Variants in SHC2 observed in about 807,000 individuals in gnomAD.
The protein encoded by SHC2 is SHC-transforming protein 2.
A neutral mutation model predicts 60.6 loss-of-function variants in SHC2; 62 were observed. The observed-to-expected ratio is 1.02, with a 90% CI of 0.83 to 1.26. SHC2 has a LOEUF of 1.26. SHC2 is among the 50% of genes most tolerant of loss of function. The pLI, the probability that SHC2 is intolerant of heterozygous loss-of-function variation, is 0.00. For synonymous variants in SHC2, 375 were observed against 372.4 expected, an observed-to-expected ratio of 1.01 and a Z score of -0.08; for missense variants, 873 against 822.2, an observed-to-expected ratio of 1.06 and a Z score of -0.76.
At chr19:419,361 A>G in intron 11 of SHC2, 1 of 334,498 alleles carries the variant, frequency 3.0e-6, no homozygotes, top group Admixed American at 4.4e-5. Context: ...CTCATTTGGA[A>G]AAAGGTCTTG....
In SHC2 at chr19:440,678, C is replaced by T. The variant is rs142150633; in HGVS notation, c.539+184G>A. 6.6e-6 allele frequency among the ~76,000 whole-genome samples: 1 copy of T among 152,282 alleles called. No homozygotes were observed. Among genetic ancestry groups the T allele is most frequent in the Non-Finnish European group, 1.5e-5 (1 of 68,008 alleles). ...ATCGAGGTCTGCAGGGCACGGTGAC[C>T]GACACCTGGCGTGGGGACAGGGCGG... On this transcript the variant is annotated intron_variant, in intron 2 of 12. Coordinates refer to ENST00000264554, the MANE Select transcript of SHC2 (RefSeq NM_012435.3). The surrounding 1 kb of genome is among the most constrained non-coding windows in gnomAD (Gnocchi z 7.0).
intron 4 of SHC2, among the ~76,000 whole-genome samples, chr19:437,039 A>C (rs1417832768): frequency 6.6e-6 from 1 of 152,086 alleles, no homozygotes; most frequent in Non-Finnish European, 1.5e-5. Flanking sequence ...ATGCACACAC[A>C]CACACACACC....
At chr19:417,603 A>G (rs1974183071) in intron 12 of SHC2, among the ~76,000 whole-genome samples, 2 of 152,246 alleles carry the variant, frequency 1.3e-5, no homozygotes, top group African/African-American at 2.4e-5. Context: ...GGTTGAGCAC[A>G]TTCCTGGGAC....
intron 9 of SHC2, among the ~76,000 whole-genome samples, chr19:427,362 G>A (rs1445848989): frequency 6.6e-6 from 1 of 152,244 alleles, no homozygotes; most frequent in Non-Finnish European, 1.5e-5. Context: ...ATGCACTGGA[G>A]AGAAGGGCTC....
intron 1 of SHC2, among the ~76,000 whole-genome samples, chr19:442,001 A>G (rs535864332): frequency 7.9e-5 from 12 of 152,276 alleles, no homozygotes; most frequent in African/African-American, 2.9e-4. Flanking sequence ...GAGCAGGGAG[A>G]GCAAGGAGCA....
In SHC2 at chr19:436,632, T is replaced by G. The variant is rs1320505887; in HGVS notation, c.772A>C (p.Thr258Pro). The change falls in exon 5 of 13, where the codon ACG becomes CCG. Residue 258 changes from threonine (T) to proline (P), a missense_variant and splice_region_variant. By Grantham distance (38) the Thr-to-Pro change is conservative (BLOSUM62 -1). Transcript: ENST00000264554. ...PSISFASGGD[T>P]DMTDYVAYVA... ...TCCACCCCCATCCCTGGCCTCACCG[T>G]GTCTCCGCCTGACGCGAAGGAGATG... 6.2e-7 allele frequency: 1 copy of G among 1,605,630 alleles called. No individual in the cohort carries two copies. Among genetic ancestry groups the G allele is most frequent in the Non-Finnish European group, 8.5e-7 (1 of 1,178,344 alleles).
In SHC2 at chr19:434,793, G is replaced by T; in HGVS notation, c.1026C>A (p.Ile342=). The T allele has an allele frequency of 1.2e-6, 2 of 1,612,892 alleles. No individual in the cohort carries two copies. The highest frequency in any genetic ancestry group is 1.7e-6 in the Non-Finnish European group (2 of 1,179,828). ...DSLEHNYYNS[I]PGKEPPLGGL... Reference sequence around the variant, plus strand: ...CGCCCAGCGGCGGCTCCTTCCCCGGGATGCTGTTGTAGTAATTGTGCTCCA... The same window carrying T: ...CGCCCAGCGGCGGCTCCTTCCCCGGTATGCTGTTGTAGTAATTGTGCTCCA... The change falls in exon 8 of 13, where the codon ATC becomes ATA. Residue 342 remains isoleucine, a synonymous_variant. Coordinates refer to ENST00000264554, the MANE Select transcript of SHC2 (RefSeq NM_012435.3).
At chr19:450,443 G>A (rs887160470) in intron 1 of SHC2, among the ~76,000 whole-genome samples, 12 of 152,262 alleles carry the variant, frequency 7.9e-5, no homozygotes, top group South Asian at 2.1e-4. Context: ...CACCACCACC[G>A]TCTCTCCAGA....
intron 9 of SHC2, among the ~76,000 whole-genome samples, chr19:428,293 G>A (rs1455269433): frequency 1.3e-5 from 2 of 152,240 alleles, no homozygotes; most frequent in Non-Finnish European, 2.9e-5. Context: ...GATTCCTACT[G>A]AAATGGCCCG....
chr19:458,714 T>C (rs186849279), intron 1 of SHC2, among the ~76,000 whole-genome samples: 16 of 74,932 alleles, frequency 2.1e-4, no homozygotes, highest in East Asian at 3.7e-4. Flanking sequence ...GAAGCGGGTC[T>C]TGGGGAGGCG....
Position 430,722 on chromosome 19 carries a change from G to A in SHC2, c.1136C>T (p.Ala379Val), listed in dbSNP as rs766529416. The A allele has an allele frequency of 4.3e-6, 7 of 1,612,998 alleles. No homozygotes were observed. Among genetic ancestry groups the A allele is most frequent in the Non-Finnish European group, 5.1e-6 (6 of 1,179,830 alleles). Residue 379 changes from alanine (A) to valine (V), a missense_variant, in exon 9 of 13, where the codon GCC (alanine) becomes GTC (valine). Coordinates refer to ENST00000264554, the MANE Select transcript of SHC2 (RefSeq NM_012435.3). ...CCCCACGTCCCATGGCAGGCTGCAG[G>A]CATCTCTTAGAGAAGGAGATGGGCC... ...DQGPSPSLRD[A>V]CSLPWDVGST...
At chr19:436,131 G>A (rs1974710396) in intron 7 of SHC2, 34 bp downstream of exon 7, 3 of 1,604,224 alleles carry the variant, frequency 1.9e-6, no homozygotes, top group Non-Finnish European at 1.7e-6. Context: ...CACTGGGGGT[G>A]TCCCCAGGGC....
In SHC2 at chr19:453,261, C is replaced by A. The variant is rs1281350523; in HGVS notation, c.468+7268G>T. 1 of 152,104 alleles carries A rather than the reference C, an allele frequency of 6.6e-6. No homozygotes were observed. Among genetic ancestry groups the A allele is most frequent in the Non-Finnish European group, 1.5e-5 (1 of 68,020 alleles). 9.4% of individuals were successfully genotyped at this position (152,104 alleles called of 1,614,324 possible). ...AACCCAGATATGGGTTCTTTGTTCT[C>A]AGAAACAAAACCTGAGTTTTGTTTC... On this transcript the variant is annotated intron_variant, in intron 1 of 12. Transcript: ENST00000264554. This position sits in a 1 kb window ranked among gnomAD's most constrained non-coding sequence, Gnocchi z 6.3.
At position 438,537 on chromosome 19, in the gene SHC2, CT is replaced by C. The variant is rs1974773235; in HGVS notation, c.720+180del. 1.3e-5 allele frequency among the ~76,000 whole-genome samples: 2 copies of C among 152,220 alleles called. No homozygotes were observed. The highest frequency in any genetic ancestry group is 4.8e-5 in the African/African-American group (2 of 41,440). ...GGACGGCTCGCCCAGGTGGGAGCCCCTGAGCTGAGCCCCGTGAGGGCAGTGG... is the reference window on the plus strand; with the variant it reads ...GGACGGCTCGCCCAGGTGGGAGCCCCGAGCTGAGCCCCGTGAGGGCAGTGG... On this transcript the variant is annotated intron_variant, in intron 4 of 12. Transcript: ENST00000264554. This position sits in a 1 kb window ranked among gnomAD's most constrained non-coding sequence, Gnocchi z 5.0.
chr19:423,117 T>TG (rs907778279), intron 10 of SHC2, among the ~76,000 whole-genome samples: 12 of 151,640 alleles, frequency 7.9e-5, no homozygotes, highest in African/African-American at 1.9e-4. Flanking sequence ...CTCCTGGTCC[T>TG]GGGGGGTCCT....
chr19:427,708 G>A (rs1398242948), intron 9 of SHC2, among the ~76,000 whole-genome samples: 1 of 93,048 alleles, frequency 1.1e-5, no homozygotes, highest in Non-Finnish European at 2.1e-5. Context: ...GCAGGGAAGG[G>A]GAATTGCGCA....
rs146752323 is a variant in SHC2, at chr19:425,798, G to A, written c.1175-567C>T. The stretch of plus-strand genomic sequence containing the variant: ...AATCCCAGCACTTTGGGAGGCCGAG[G>A]TGGGTGAATCATTTGAGGTCAGGAG... On this transcript the variant is annotated intron_variant, in intron 9 of 12. Coordinates refer to ENST00000264554, the MANE Select transcript of SHC2 (RefSeq NM_012435.3). This position sits in a 1 kb window ranked among gnomAD's most constrained non-coding sequence, Gnocchi z 4.1. Among the ~76,000 whole-genome samples, 41 of 152,258 alleles carry A rather than the reference G, an allele frequency of 2.7e-4. No individual in the cohort carries two copies. The highest frequency in any genetic ancestry group is 9.6e-4 in the African/African-American group (40 of 41,560).
chr19:434,679 G>A, intron 8 of SHC2, 30 bp downstream of exon 8: 1 of 1,573,716 alleles, frequency 6.4e-7, no homozygotes, highest in Non-Finnish European at 8.6e-7. Flanking sequence ...GGGCATCCCT[G>A]TCCCCATCCC....
intron 12 of SHC2, among the ~76,000 whole-genome samples, chr19:418,551 G>A (rs1974202856): frequency 6.6e-6 from 1 of 152,236 alleles, no homozygotes; most frequent in Admixed American, 6.5e-5. Context: ...TCTGGCCCGG[G>A]CCACGGCGCA....
Sources: allele counts gnomAD v4.1 joint callset (sites outside exome capture counted in the v4.1 genomes callset), GRCh38; gene constraint gnomAD v4.1.1; non-coding constraint Gnocchi (gnomAD v3.1); transcripts MANE v1.5; gene names NCBI Gene and HGNC (gene_info 2026-07-23, HGNC 2026-07-21).